The following ODAD4 variants were observed in gnomAD, a reference collection of about 807,000 sequenced individuals.
ODAD4 encodes outer dynein arm docking complex subunit 4.
In ODAD4, 49 loss-of-function variants were observed where a neutral mutation model predicts 51.8. The observed-to-expected ratio is 0.95, with a 90% CI of 0.75 to 1.20. The LOEUF (loss-of-function observed/expected upper bound fraction) is 1.20. ODAD4 is among the 50% of genes most tolerant of loss of function. The probability of loss-of-function intolerance (pLI) is 0.00; values close to 1 mark genes in which losing one functional copy is unlikely to be tolerated. For missense variants in ODAD4, 590 were observed against 586.5 expected (o/e 1.01, Z -0.06); for synonymous variants, 235 against 221.3 (o/e 1.06, Z -0.55).
intron 10 of ODAD4, among the ~76,000 whole-genome samples, chr17:41,957,658 A>G (rs1029703780): frequency 6.2e-4 from 94 of 152,302 alleles, no homozygotes; most frequent in African/African-American, 2.2e-3. Flanking sequence ...CCACAGGGGT[A>G]GGAAGGCACT....
chr17:41,930,795 C>G lies in ODAD4; in HGVS notation c.72C>G (p.Tyr24Ter). The change falls in exon 1 of 12, where the codon TAC becomes TAG. Residue 24 changes from tyrosine (Y) to a stop codon, truncating the protein, a stop_gained. Transcript: ENST00000377540. LOFTEE classifies it high-confidence loss of function. Reference protein sequence around the residue: ...PSYMAEGERLYLCGEFSKAAQ... With the variant: ...PSYMAEGERL ...ATATGGCCGAAGGCGAGCGGCTCTA[C>G]CTGTGCGGGGAATTTTCTAAAGCCG... is the stretch of plus-strand genomic sequence containing the variant. The G allele has an allele frequency of 6.2e-7, 1 of 1,602,354 alleles. No homozygotes were observed. The highest frequency in any genetic ancestry group is 8.5e-7 in the Non-Finnish European group (1 of 1,173,942).
rs2050876775 is a variant in ODAD4 at position 41,965,826 on chromosome 17, A to G, written c.*343A>G. ...AGGCCTGGGAGGAGAGGTGCTTCCC[A>G]CACACCGGTGACTGACTGAGTCCCT... On this transcript the variant is annotated 3_prime_UTR_variant, in exon 12 of 12. Transcript: ENST00000377540. Among the ~76,000 whole-genome samples the G allele has an allele frequency of 6.6e-6, 1 of 152,204 alleles. No individual in the cohort carries two copies. Among genetic ancestry groups the G allele is most frequent in the Non-Finnish European group, 1.5e-5 (1 of 68,038 alleles).
chr17:41,936,417 G>C, intron 3 of ODAD4, 56 bp from the exon 4 acceptor site: 1 of 1,279,344 alleles, frequency 7.8e-7, no homozygotes, highest in Non-Finnish European at 1.1e-6. Context: ...AAAAATATGT[G>C]ATAAGTCATG....
Position 41,936,843 on chromosome 17 carries a change from C to G in ODAD4, c.541C>G (p.Leu181Val), listed in dbSNP as rs2050435878. The change falls in exon 5 of 12, where the codon CTC (leucine) becomes GTC (valine). Residue 181 changes from leucine (L) to valine (V), a missense_variant. Around this residue, in one of 3 missense-constraint regions of ODAD4, gnomAD observed 360 missense variants for 407.5 expected, o/e 0.88. Transcript: ENST00000377540. ...TKGEPKWKAS[L>V]KSEKTVRQLL... ...GGGAGAGCCCAAGTGGAAGGCCTCG[C>G]TCAAGAGTGAGAAGACTGTCCGCCA... is the stretch of plus-strand genomic sequence containing the variant. 6.2e-7 allele frequency: 1 copy of G among 1,613,990 alleles called. No homozygotes were observed. Among genetic ancestry groups the G allele is most frequent in the Non-Finnish European group, 8.5e-7 (1 of 1,179,896 alleles).
chr17:41,961,084 G>T (rs1411139961), intron 10 of ODAD4, among the ~76,000 whole-genome samples: 1 of 152,198 alleles, frequency 6.6e-6, no homozygotes, highest in Non-Finnish European at 1.5e-5. Context: ...AGCAGCTTTA[G>T]GTAGTTCATC....
chr17:41,945,653 C>T (rs537562628), intron 8 of ODAD4, among the ~76,000 whole-genome samples: 1 of 152,288 alleles, frequency 6.6e-6, no homozygotes, highest in East Asian at 1.9e-4. Context: ...AATCCCAGCA[C>T]TTTGGGAGGC....
intron 10 of ODAD4, among the ~76,000 whole-genome samples, chr17:41,960,907 T>C (rs555602645): frequency 2.4e-4 from 37 of 152,300 alleles, no homozygotes; most frequent in South Asian, 4.1e-4. Flanking sequence ...TCCAGGCCCC[T>C]GTGGATCATG....
In ODAD4 at chr17:41,935,361, G is replaced by T. The variant is rs1555637565; in HGVS notation, c.246+13G>T. 6.2e-7 allele frequency: 1 copy of T among 1,612,744 alleles called. No individual in the cohort carries two copies. The highest frequency in any genetic ancestry group is 8.5e-7 in the Non-Finnish European group (1 of 1,179,426). On this transcript the variant is annotated intron_variant, in intron 2 of 11. Transcript: ENST00000377540. ...AGCTTTCTGTAAGGTGACTGCATGG[G>T]CGGGAGGACTGGATCCTGCCATTGC... is the stretch of plus-strand genomic sequence containing the variant.
At chr17:41,940,910 C>T (rs1201688674) in intron 7 of ODAD4, among the ~76,000 whole-genome samples, 1 of 152,218 alleles carries the variant, frequency 6.6e-6, no homozygotes, top group African/African-American at 2.4e-5. Flanking sequence ...AATCCCTTAT[C>T]TTCCTCCCAA....
In ODAD4 at chr17:41,948,681, C is replaced by T. The variant is rs1046012853; in HGVS notation, c.1146-472C>T. Among the ~76,000 whole-genome samples, 668 of 152,164 alleles carry T rather than the reference C, an allele frequency of 4.4e-3. 3 individuals carry two copies. Among genetic ancestry groups the T allele is most frequent in the Admixed American group, 7.9e-3 (121 of 15,250 alleles). On this transcript the variant is annotated intron_variant, in intron 8 of 11. Transcript: ENST00000377540. ...TTTGAGATGGAGTCTTGCTCTGTCA[C>T]CCAGGCTGGAGTGCAGTGGCATAAT...
At chr17:41,960,941 A>C (rs1363172056) in intron 10 of ODAD4, among the ~76,000 whole-genome samples, 1 of 152,136 alleles carries the variant, frequency 6.6e-6, no homozygotes, top group African/African-American at 2.4e-5. Flanking sequence ...GAAACTGCAG[A>C]CATTCTGGAA....
At chr17:41,944,444 A>ACACACACACACACACACAC (rs1191101800) in intron 7 of ODAD4, among the ~76,000 whole-genome samples, 2 of 19,546 alleles carry the variant, frequency 1.0e-4, no homozygotes, top group African/African-American at 2.7e-4. Context: ...ACACACACAC[A>ACACACACACACACACACAC]CCCCCCCGCA....
rs1462900880 is a variant in ODAD4, at chr17:41,961,474, C to T, written c.1528+8C>T. ...AAGAAAAAAGCGAGGGAGGTGAGTT[C>T]CTGAAACTCTGAAAAGGCAACTTCA... On this transcript the variant is annotated splice_region_variant and intron_variant, in intron 11 of 11. Transcript: ENST00000377540. 4.1e-6 allele frequency: 3 copies of T among 723,040 alleles called. No individual in the cohort carries two copies. Among genetic ancestry groups the T allele is most frequent in the African/African-American group, 3.5e-5 (2 of 57,390 alleles). The allele number at this position is 723,040 out of a possible 1,614,324, so 44.8% of individuals were successfully genotyped here.
rs1555636657 is a variant in ODAD4 at position 41,930,817 on chromosome 17, G to T, written c.94G>T (p.Ala32Ser). The T allele has an allele frequency of 6.4e-7, 1 of 1,553,584 alleles. No homozygotes were observed. The highest frequency in any genetic ancestry group is 1.8e-5 in the Admixed American group (1 of 55,900). Reference sequence around the variant, plus strand: ...CTACCTGTGCGGGGAATTTTCTAAAGCCGCGCAGAGCTTCAGCAACGTGAG... The same window carrying T: ...CTACCTGTGCGGGGAATTTTCTAAATCCGCGCAGAGCTTCAGCAACGTGAG... Reference protein sequence around the residue: ...RLYLCGEFSKAAQSFSNALYL... With the variant: ...RLYLCGEFSKSAQSFSNALYL... The change falls in exon 1 of 12, where the codon GCC becomes TCC. Residue 32 changes from alanine to serine, a missense_variant. Physicochemically the swap from Ala to Ser is moderately conservative, Grantham distance 99. Transcript: ENST00000377540.
Position 41,938,718 on chromosome 17 carries a change from C to A in ODAD4, c.787C>A (p.His263Asn), listed in dbSNP as rs781952093. Residue 263 changes from histidine (H) to asparagine (N), a missense_variant, in exon 6 of 12, where the codon CAC becomes AAC. Transcript: ENST00000377540. ...KLMQEKWLRD[H>N]KRRPSQTAHY... ...GATGCAAGAGAAATGGCTGCGGGAC[C>A]ACAAACGCCGTCCCTCACAGACAGC... The A allele has an allele frequency of 6.2e-7, 1 of 1,613,830 alleles. No homozygotes were observed.
At chr17:41,933,496 C>T (rs782149671) in intron 1 of ODAD4, among the ~76,000 whole-genome samples, 6 of 151,988 alleles carry the variant, frequency 3.9e-5, no homozygotes, top group Admixed American at 6.6e-5. Flanking sequence ...ACTAAAAATA[C>T]AAAAAATCAA....
intron 1 of ODAD4, among the ~76,000 whole-genome samples, chr17:41,931,741 C>T (rs148028249): frequency 0.056 from 8,509 of 151,888 alleles, 311 homozygotes; most frequent in Non-Finnish European, 0.084. Flanking sequence ...AGGGTTTCAC[C>T]ATGTTGGCCA....
At chr17:41,931,106 A>C (rs2050328618) in intron 1 of ODAD4, among the ~76,000 whole-genome samples, 1 of 151,908 alleles carries the variant, frequency 6.6e-6, no homozygotes, top group Non-Finnish European at 1.5e-5. Context: ...TGTGTTGGCC[A>C]GGCTGGTCTC....
chr17:41,951,795 A>T (rs1164725602), intron 9 of ODAD4, among the ~76,000 whole-genome samples: 2 of 148,662 alleles, frequency 1.3e-5, no homozygotes, highest in Non-Finnish European at 3.0e-5. Context: ...GAGGCAGGAG[A>T]ACTGCTTGAA....
Sources: allele counts gnomAD v4.1 joint callset (sites outside exome capture counted in the v4.1 genomes callset), GRCh38; gene constraint gnomAD v4.1.1; regional missense constraint gnomAD v4.1.1; transcripts MANE v1.5; gene names NCBI Gene and HGNC (gene_info 2026-07-23, HGNC 2026-07-21).